Variants in CSMD1 observed in about 807,000 individuals in gnomAD.
CSMD1 encodes the protein CUB and sushi domain-containing protein 1.
Under a neutral mutation model 417.5 loss-of-function variants are expected in CSMD1, and 213 were observed. That is an observed-to-expected ratio of 0.51 (90% confidence interval 0.46 to 0.57). The LOEUF (loss-of-function observed/expected upper bound fraction) is 0.57, where lower values mean the gene tolerates loss of function less well. Among genes scored for constraint, CSMD1 ranks in the 20% least tolerant of loss-of-function variants. The pLI is 0.00. For missense variants in CSMD1, 6,923 were observed against 4,529.7 expected, an observed-to-expected ratio of 1.53 and a Z score of -15.17; for synonymous variants, 2,862 against 1,736.8, an observed-to-expected ratio of 1.65 and a Z score of -16.11.
chr8:4,758,558 TC>T (rs983720160), intron 1 of CSMD1, among the ~76,000 whole-genome samples: 78 of 152,270 alleles, frequency 5.1e-4, no homozygotes, highest in African/African-American at 1.8e-3. Context: ...AGTGTATTAG[TC>T]CATTTTCTCA....
chr8:3,173,842 A>G (rs1820736135), intron 37 of CSMD1, among the ~76,000 whole-genome samples: 1 of 152,224 alleles, frequency 6.6e-6, no homozygotes, highest in African/African-American at 2.4e-5. Context: ...ATGTATTAAT[A>G]ATTTGAATGT....
intron 3 of CSMD1, among the ~76,000 whole-genome samples, chr8:4,263,899 A>G (rs1804056863): frequency 6.6e-6 from 1 of 152,196 alleles, no homozygotes; most frequent in African/African-American, 2.4e-5. Context: ...TTATAGACAC[A>G]ATAGTCCTGC....
At position 4,741,200 on chromosome 8, in the gene CSMD1, A is replaced by T. The variant is rs531213750; in HGVS notation, c.86-103642T>A. ...GTAAGTGTCAGAGGCATTTCAACAG[A>T]AGACCCTAGTGCCACACGTGCAGTT... On this transcript the variant is annotated intron_variant, in intron 1 of 69. Coordinates refer to ENST00000635120, the MANE Select transcript of CSMD1 (RefSeq NM_033225.6). Among the ~76,000 whole-genome samples, 408 of 152,288 alleles carry T rather than the reference A, an allele frequency of 2.7e-3. 2 individuals are homozygous for T. Among genetic ancestry groups the T allele is most frequent in the Middle Eastern group, 0.01 (3 of 294 alleles).
chr8:4,878,704 T>C (rs761229707), intron 1 of CSMD1, among the ~76,000 whole-genome samples: 66 of 151,988 alleles, frequency 4.3e-4, no homozygotes, highest in Admixed American at 4.2e-3. Context: ...TACCCATTTT[T>C]ACAGTTGAAA....
intron 5 of CSMD1, among the ~76,000 whole-genome samples, chr8:3,923,634 T>C (rs1298009891): frequency 6.6e-6 from 1 of 152,150 alleles, no homozygotes. Context: ...TAATTTTAAC[T>C]CTACTCTCTT....
chr8:3,284,056 G>T, intron 26 of CSMD1, 88 bp downstream of exon 26: 1 of 1,080,144 alleles, frequency 9.3e-7, no homozygotes, highest in Non-Finnish European at 1.4e-6. Context: ...TGTGTAAGGA[G>T]ACGCTGGTGA....
intron 2 of CSMD1, among the ~76,000 whole-genome samples, chr8:4,531,042 G>T: frequency 6.6e-6 from 1 of 152,080 alleles, no homozygotes; most frequent in East Asian, 1.9e-4. Flanking sequence ...GTTGGATTAC[G>T]TTGATTGTAT....
intron 3 of CSMD1, among the ~76,000 whole-genome samples, chr8:4,239,942 A>G (rs2128820830): frequency 6.6e-6 from 1 of 152,340 alleles, no homozygotes; most frequent in African/African-American, 2.4e-5. Flanking sequence ...ATAACAAAAA[A>G]TAATGCACTT....
At chr8:4,700,248 T>C (rs1414515314) in intron 1 of CSMD1, among the ~76,000 whole-genome samples, 1 of 152,114 alleles carries the variant, frequency 6.6e-6, no homozygotes, top group East Asian at 1.9e-4. Flanking sequence ...GAACCTCTTG[T>C]TTTCTAGCAG....
At chr8:4,317,802 T>A (rs1041598729) in intron 3 of CSMD1, among the ~76,000 whole-genome samples, 1 of 152,190 alleles carries the variant, frequency 6.6e-6, no homozygotes, top group African/African-American at 2.4e-5. Flanking sequence ...AAGTGCCTGA[T>A]ACATTGTAGG....
At chr8:4,496,436 G>A (rs1025858619) in intron 2 of CSMD1, among the ~76,000 whole-genome samples, 2 of 152,176 alleles carry the variant, frequency 1.3e-5, no homozygotes, top group Non-Finnish European at 1.5e-5. Flanking sequence ...AAACATAAAA[G>A]CCTGGACATT....
chr8:4,626,878 A>G lies in CSMD1; in HGVS notation c.302+10464T>C, dbSNP rs2616985. ...ATATAAGCAAGAAGAAAATCAAGTG[A>G]AATACTTGCCTTTTCGATTCTTTAT... On this transcript the variant is annotated intron_variant, in intron 2 of 69. Coordinates refer to ENST00000635120, the MANE Select transcript of CSMD1 (RefSeq NM_033225.6). Among the ~76,000 whole-genome samples the G allele has an allele frequency of 9.5e-3, 1,450 of 152,318 alleles. 13 individuals are homozygous for G. Among genetic ancestry groups the G allele is most frequent in the African/African-American group, 0.033 (1,384 of 41,562 alleles).
At chr8:3,835,367 A>C (rs1585065834) in intron 5 of CSMD1, among the ~76,000 whole-genome samples, 1 of 152,114 alleles carries the variant, frequency 6.6e-6, no homozygotes, top group Admixed American at 6.6e-5. Context: ...GTCCATATAC[A>C]CCATGGAATA....
At chr8:4,854,502 C>A (rs1052808252) in intron 1 of CSMD1, among the ~76,000 whole-genome samples, 5 of 152,156 alleles carry the variant, frequency 3.3e-5, no homozygotes, top group African/African-American at 9.7e-5. Context: ...TCTGAGGTAC[C>A]GGGTTCATCT....
Position 2,937,744 on chromosome 8 carries a change from T to C in CSMD1, c.*841A>G, listed in dbSNP as rs1027427079. On this transcript the variant is annotated 3_prime_UTR_variant, in exon 70 of 70. Transcript: ENST00000635120. ...ATAATAAAATAAATCTCTTCAATAC[T>C]GTATTTCCTTTTAAAATCTGTGCCA... 2.6e-5 allele frequency: 4 copies of C among 152,642 alleles called. No homozygotes were observed. The highest frequency in any genetic ancestry group is 4.1e-4 in the South Asian group (2 of 4,834). The allele number at this position is 152,642 out of a possible 1,614,324, so 9.5% of individuals were successfully genotyped here.
intron 5 of CSMD1, among the ~76,000 whole-genome samples, chr8:3,947,070 G>A (rs1360666046): frequency 6.6e-6 from 1 of 152,050 alleles, no homozygotes; most frequent in African/African-American, 2.4e-5. Context: ...ATTACATGTT[G>A]AATAGTTGTA....
chr8:4,442,720 T>A (rs1176429154), intron 2 of CSMD1, among the ~76,000 whole-genome samples: 1 of 152,168 alleles, frequency 6.6e-6, no homozygotes, highest in Non-Finnish European at 1.5e-5. Context: ...GTGTATTTGT[T>A]GATAATACAA....
chr8:4,784,356 G>A (rs1344161087), intron 1 of CSMD1, among the ~76,000 whole-genome samples: 1 of 152,142 alleles, frequency 6.6e-6, no homozygotes, highest in African/African-American at 2.4e-5. Flanking sequence ...TCCCCCTGCA[G>A]GGTCATTTAA....
intron 7 of CSMD1, among the ~76,000 whole-genome samples, chr8:3,620,261 C>A (rs982841160): frequency 1.3e-5 from 2 of 151,788 alleles, no homozygotes; most frequent in Admixed American, 6.6e-5. Context: ...AGTTTATTAC[C>A]AATGTATGTT....
Sources: allele counts gnomAD v4.1 joint callset (sites outside exome capture counted in the v4.1 genomes callset), GRCh38; gene constraint gnomAD v4.1.1; transcripts MANE v1.5; gene names NCBI Gene and HGNC (gene_info 2026-07-23, HGNC 2026-07-21).